The following RIMS2 variants were observed in gnomAD, a reference collection of about 807,000 sequenced individuals.
The protein encoded by RIMS2 is regulating synaptic membrane exocytosis 2.
In RIMS2, 59 loss-of-function variants were observed where a neutral mutation model predicts 174.4. The ratio of observed to expected loss-of-function variants is 0.34; its 90% CI spans 0.27 to 0.42. The LOEUF (loss-of-function observed/expected upper bound fraction) is 0.42. RIMS2 is among the 10% of genes least tolerant of loss of function. The pLI is 1.00. For missense variants in RIMS2, 1,620 were observed against 1,666.3 expected (o/e 0.97, Z 0.48); for synonymous variants, 606 against 572.5 (o/e 1.06, Z -0.84).
intron 3 of RIMS2, among the ~76,000 whole-genome samples, chr8:103,868,471 TA>T (rs1225224041): frequency 6.6e-6 from 1 of 152,080 alleles, no homozygotes; most frequent in Non-Finnish European, 1.5e-5. Flanking sequence ...GTTTAAGTTC[TA>T]AAAAGGTCAT....
At chr8:104,191,304 G>A (rs1039644850) in intron 19 of RIMS2, among the ~76,000 whole-genome samples, 1 of 152,030 alleles carries the variant, frequency 6.6e-6, no homozygotes, top group African/African-American at 2.4e-5. Flanking sequence ...ACAAAATATA[G>A]CTGTTTTAAA....
intron 3 of RIMS2, among the ~76,000 whole-genome samples, chr8:103,805,811 T>G (rs910430036): frequency 2.0e-5 from 3 of 152,100 alleles, no homozygotes; most frequent in African/African-American, 7.2e-5. Context: ...TTCTGTATAT[T>G]TAATCTCTTT....
intron 19 of RIMS2, among the ~76,000 whole-genome samples, chr8:104,156,915 G>A (rs2098727980): frequency 6.6e-6 from 1 of 152,096 alleles, no homozygotes; most frequent in African/African-American, 2.4e-5. Flanking sequence ...AGTAATATCT[G>A]TGGAAACAAG....
chr8:103,548,318 A>G (rs374132849), intron 1 of RIMS2, among the ~76,000 whole-genome samples: 2 of 152,328 alleles, frequency 1.3e-5, no homozygotes, highest in East Asian at 1.9e-4. Context: ...ATGTGCCACG[A>G]TCAACTAGGC....
At chr8:104,186,128 G>C (rs2098966746) in intron 19 of RIMS2, among the ~76,000 whole-genome samples, 1 of 151,718 alleles carries the variant, frequency 6.6e-6, no homozygotes, top group African/African-American at 2.4e-5. Flanking sequence ...AGTGAAAAAA[G>C]TCAGATGCAG....
chr8:103,730,217 G>A (rs2097574292), intron 2 of RIMS2, among the ~76,000 whole-genome samples: 1 of 151,848 alleles, frequency 6.6e-6, no homozygotes. Context: ...TCTTTCTTTA[G>A]CTCTAGTAAT....
chr8:104,126,880 A>C (rs1347389323), intron 19 of RIMS2, among the ~76,000 whole-genome samples: 1 of 152,164 alleles, frequency 6.6e-6, no homozygotes, highest in East Asian at 1.9e-4. Flanking sequence ...AGATAGAAAA[A>C]ATCCCTGCAA....
At chr8:103,791,070 A>T (rs971782523) in intron 3 of RIMS2, among the ~76,000 whole-genome samples, 16 of 152,206 alleles carry the variant, frequency 1.1e-4, no homozygotes, top group African/African-American at 3.9e-4. Context: ...AATACAGAGA[A>T]TGCCACAAAA....
intron 19 of RIMS2, among the ~76,000 whole-genome samples, chr8:104,221,172 T>C (rs2099153251): frequency 6.6e-6 from 1 of 152,166 alleles, no homozygotes; most frequent in Non-Finnish European, 1.5e-5. Flanking sequence ...TTACATAAAG[T>C]ATTTTATTAC....
intron 19 of RIMS2, among the ~76,000 whole-genome samples, chr8:104,063,320 A>T (rs532536285): frequency 6.6e-6 from 1 of 152,096 alleles, no homozygotes; most frequent in South Asian, 2.1e-4. Context: ...AACAATAAAA[A>T]TTGTTTTCTA....
At chr8:104,044,300 A>G (rs185450684) in intron 19 of RIMS2, among the ~76,000 whole-genome samples, 138 of 150,028 alleles carry the variant, frequency 9.2e-4, no homozygotes, top group African/African-American at 3.2e-3. Context: ...GGAAAATGTT[A>G]AGAACGAATG....
At chr8:103,528,519 T>C (rs1290852544) in intron 1 of RIMS2, among the ~76,000 whole-genome samples, 1 of 152,232 alleles carries the variant, frequency 6.6e-6, no homozygotes, top group African/African-American at 2.4e-5. Context: ...GTTTTTATGG[T>C]TTTAGGTCTA....
chr8:103,610,134 G>C (rs562435059), intron 1 of RIMS2, among the ~76,000 whole-genome samples: 1 of 152,108 alleles, frequency 6.6e-6, no homozygotes, highest in South Asian at 2.1e-4. Flanking sequence ...TCTCTGCTTG[G>C]ACATTGTTGG....
intron 11 of RIMS2, among the ~76,000 whole-genome samples, chr8:103,929,767 CT>C (rs1454134883): frequency 6.6e-6 from 1 of 151,986 alleles, no homozygotes; most frequent in South Asian, 2.1e-4. Context: ...AGAATAGTCT[CT>C]TTTTTGCCCG....
intron 3 of RIMS2, among the ~76,000 whole-genome samples, chr8:103,850,346 A>T (rs889015068): frequency 1.3e-5 from 2 of 151,998 alleles, no homozygotes; most frequent in Non-Finnish European, 2.9e-5. Context: ...TCAAAATATA[A>T]TATATACTTG....
intron 2 of RIMS2, among the ~76,000 whole-genome samples, chr8:103,754,229 T>G (rs180952616): frequency 1.6e-3 from 239 of 152,326 alleles, no homozygotes; most frequent in Non-Finnish European, 2.5e-3. Context: ...TTCCATGTAG[T>G]TGAGCGGTTT....
intron 4 of RIMS2, among the ~76,000 whole-genome samples, chr8:103,898,723 TA>T (rs2099308495): frequency 6.6e-6 from 1 of 151,574 alleles, no homozygotes; most frequent in Admixed American, 6.6e-5. Context: ...TGTTTGTTTT[TA>T]TTTTTTTTTA....
At chr8:104,060,358 AGAGTT>A (rs914376569) in intron 19 of RIMS2, among the ~76,000 whole-genome samples, 3 of 151,208 alleles carry the variant, frequency 2.0e-5, no homozygotes. Flanking sequence ...TTATTTGCAT[AGAGTT>A]GTTTGTAGTA....
chr8:103,588,916 C>T (rs770637736), intron 1 of RIMS2, among the ~76,000 whole-genome samples: 1 of 151,702 alleles, frequency 6.6e-6, no homozygotes, highest in Non-Finnish European at 1.5e-5. Flanking sequence ...AATGGGATCA[C>T]ATCAAGTTAA....
Sources: gnomAD v4.1 joint callset for allele counts (sites outside exome capture counted in the v4.1 genomes callset) on GRCh38, gnomAD v4.1.1 for gene constraint, MANE v1.5 for transcripts, NCBI Gene and HGNC (gene_info 2026-07-23, HGNC 2026-07-21) for gene names.